The following ENTPD1 variants were observed in gnomAD, a reference collection of about 807,000 sequenced individuals.
ENTPD1 encodes the protein ectonucleoside triphosphate diphosphohydrolase 1.
Under a neutral mutation model 57.0 loss-of-function variants are expected in ENTPD1, and 33 were observed. That is an observed-to-expected ratio of 0.58 (90% CI 0.44 to 0.77). The LOEUF (loss-of-function observed/expected upper bound fraction) is 0.77, where lower values mean the gene tolerates loss of function less well. Among genes scored for constraint, ENTPD1 ranks in the 30% least tolerant of loss-of-function variants. The probability of loss-of-function intolerance (pLI) is 0.00; values close to 1 mark genes in which losing one functional copy is unlikely to be tolerated. For synonymous variants in ENTPD1, 202 were observed against 218.8 expected (o/e 0.92, Z 0.68); for missense variants, 501 against 603.4 (o/e 0.83, Z 1.78).
At chr10:95,740,464 T>C (rs1299470751) in intron 1 of ENTPD1, among the ~76,000 whole-genome samples, 1 of 152,204 alleles carries the variant, frequency 6.6e-6, no homozygotes, top group Admixed American at 6.5e-5. Flanking sequence ...ATTTTCAGAA[T>C]GGTCAATTAA....
chr10:95,790,146 G>A (rs746049310), intron 1 of ENTPD1, among the ~76,000 whole-genome samples: 1 of 152,164 alleles, frequency 6.6e-6, no homozygotes, highest in Admixed American at 6.6e-5. Context: ...TGTCTGCAGC[G>A]GTGGTTGCCC....
Position 95,869,844 on chromosome 10 carries a change from C to A in ENTPD1, c.*3461C>A, listed in dbSNP as rs1404973352. The stretch of plus-strand genomic sequence containing the variant: ...AAAAATTGTTAATATTTTTCTCATA[C>A]TAAATTTTCAAAATATTTTGTGTCT... On this transcript the variant is annotated 3_prime_UTR_variant, in exon 10 of 10. Coordinates refer to ENST00000371205, the MANE Select transcript of ENTPD1 (RefSeq NM_001776.6). 2 of 755,644 alleles carry A rather than the reference C, an allele frequency of 2.6e-6. No individual in the cohort carries two copies. Among genetic ancestry groups the A allele is most frequent in the Non-Finnish European group, 3.2e-6 (2 of 620,406 alleles). The allele number at this position is 755,644 out of a possible 1,614,324, so 46.8% of individuals were successfully genotyped here.
chr10:95,864,951 C>T, intron 9 of ENTPD1, 90 bp downstream of exon 9: 1 of 1,464,310 alleles, frequency 6.8e-7, no homozygotes, highest in Non-Finnish European at 9.3e-7. Flanking sequence ...GGGGAGTCAG[C>T]ATGGTGTAGC....
chr10:95,810,401 C>A (rs571970758), intron 1 of ENTPD1, among the ~76,000 whole-genome samples: 1 of 148,612 alleles, frequency 6.7e-6, no homozygotes, highest in Non-Finnish European at 1.5e-5. Flanking sequence ...TCCTCACTTC[C>A]TGGACAGGGC....
At chr10:95,760,991 G>C (rs547101624) in intron 1 of ENTPD1, among the ~76,000 whole-genome samples, 32 of 151,812 alleles carry the variant, frequency 2.1e-4, no homozygotes, top group African/African-American at 7.5e-4. Flanking sequence ...CACTACACCC[G>C]GCTAATTTTT....
At chr10:95,748,486 G>T (rs2098008453) in intron 1 of ENTPD1, among the ~76,000 whole-genome samples, 1 of 152,130 alleles carries the variant, frequency 6.6e-6, no homozygotes, top group African/African-American at 2.4e-5. Flanking sequence ...CAGTTATAAT[G>T]TCATCCCTAA....
intron 1 of ENTPD1, among the ~76,000 whole-genome samples, chr10:95,820,804 T>G (rs1003162500): frequency 6.6e-6 from 1 of 152,248 alleles, no homozygotes; most frequent in African/African-American, 2.4e-5. Context: ...TTTTCTGGTT[T>G]ATCTGTCTTG....
At chr10:95,722,777 ATGGTAATTAAGATTTAAATCCCC>A (rs1218277316) in intron 1 of ENTPD1, among the ~76,000 whole-genome samples, 1 of 152,154 alleles carries the variant, frequency 6.6e-6, no homozygotes, top group Non-Finnish European at 1.5e-5. Flanking sequence ...GGACCTTTGT[ATGGTAATTAAGATTTAAATCCCC>A]TGTTAGGAAA....
intron 1 of ENTPD1, among the ~76,000 whole-genome samples, chr10:95,794,948 C>T (rs747569823): frequency 1.3e-5 from 2 of 152,104 alleles, no homozygotes; most frequent in South Asian, 4.1e-4. Context: ...CCAGAACATA[C>T]AGGACATACG....
chr10:95,766,873 T>G (rs1004841523), intron 1 of ENTPD1, among the ~76,000 whole-genome samples: 4 of 151,936 alleles, frequency 2.6e-5, no homozygotes, highest in African/African-American at 9.7e-5. Flanking sequence ...TTAATTGTAC[T>G]TGTAGCAATC....
chr10:95,806,310 C>T lies in ENTPD1; in HGVS notation c.17-16927C>T, dbSNP rs545918196. Among the ~76,000 whole-genome samples, 47 of 152,302 alleles carry T rather than the reference C, an allele frequency of 3.1e-4. No individual in the cohort carries two copies. In the South Asian group the frequency reaches 5.2e-3, roughly 17 times the overall value. On this transcript the variant is annotated intron_variant, in intron 1 of 9. Transcript: ENST00000371205. Reference sequence around the variant, plus strand: ...GCTAATGAAGGTTGTGCATGTGTCACATAGTTCTTGTGCCATGGTTTTCAG... The same window carrying T: ...GCTAATGAAGGTTGTGCATGTGTCATATAGTTCTTGTGCCATGGTTTTCAG...
chr10:95,861,124 G>A (rs1475317233), intron 8 of ENTPD1, among the ~76,000 whole-genome samples: 1 of 152,174 alleles, frequency 6.6e-6, no homozygotes, highest in Non-Finnish European at 1.5e-5. Context: ...CCACTGCCTC[G>A]AGCTGGGCAC....
Position 95,868,443 on chromosome 10 carries a change from AC to A in ENTPD1, c.*2064del. 2 of 985,382 alleles carry A rather than the reference AC, an allele frequency of 2.0e-6. No individual in the cohort carries two copies. The highest frequency in any genetic ancestry group is 2.4e-6 in the Non-Finnish European group (2 of 829,924). The allele number at this position is 985,382 out of a possible 1,614,324, so 61.0% of individuals were successfully genotyped here. The stretch of plus-strand genomic sequence containing the variant: ...TATGATGCTAATCAGTGGTTCCCAT[AC>A]CCCTGGCTTCCTAATTTTAATGTTT... On this transcript the variant is annotated 3_prime_UTR_variant, in exon 10 of 10. Coordinates refer to ENST00000371205, the MANE Select transcript of ENTPD1 (RefSeq NM_001776.6).
intron 7 of ENTPD1, among the ~76,000 whole-genome samples, chr10:95,848,415 G>T (rs1375675538): frequency 5.9e-5 from 9 of 152,142 alleles, no homozygotes; most frequent in East Asian, 1.9e-4. Flanking sequence ...AATCGGGGGA[G>T]AGGTGACATG....
At chr10:95,704,856 A>G in the ENTPD1 span, among the ~76,000 whole-genome samples, 1 of 101,682 alleles carries the variant, frequency 9.8e-6, no homozygotes, top group East Asian at 2.0e-4. Context: ...TCAATGGTAA[A>G]ATATTATATA....
At chr10:95,755,137 A>G (rs569803080), upstream of ENTPD1, 3 of 152,278 alleles carry the variant, frequency 2.0e-5, no homozygotes, top group Non-Finnish European at 4.4e-5. Context: ...TCAAATATTT[A>G]TTGAGAGCCC....
intron 1 of ENTPD1, among the ~76,000 whole-genome samples, chr10:95,767,314 C>CAAAAAAAAAA (rs1160221654): frequency 5.9e-5 from 4 of 68,148 alleles, no homozygotes; most frequent in African/African-American, 1.1e-4. Flanking sequence ...GACTCCATCT[C>CAAAAAAAAAA]AAAAAAAAAA....
At chr10:95,750,966 C>T (rs11188468), upstream of ENTPD1, among the ~76,000 whole-genome samples, 24,186 of 151,764 alleles carry the variant, frequency 0.16, 2,473 homozygotes, top group African/African-American at 0.28. Flanking sequence ...GAGGTTGCAG[C>T]GAGCCAAGAT....
Position 95,869,296 on chromosome 10 carries a change from C to G in ENTPD1, c.*2913C>G, listed in dbSNP as rs2098477948. On this transcript the variant is annotated 3_prime_UTR_variant, in exon 10 of 10. Transcript: ENST00000371205. ...AGAGAGTCTCACTCCATTGCCCAGGCTGGAGTGCAGTGGTGCTATCTCGGC... is the reference window on the plus strand; with the variant it reads ...AGAGAGTCTCACTCCATTGCCCAGGGTGGAGTGCAGTGGTGCTATCTCGGC... 2 of 930,850 alleles carry G rather than the reference C, an allele frequency of 2.1e-6. No homozygotes were observed. Among genetic ancestry groups the G allele is most frequent in the African/African-American group, 4.3e-5 (2 of 46,862 alleles). 57.7% of individuals were successfully genotyped at this position (930,850 alleles called of 1,614,324 possible).
Sources: allele counts gnomAD v4.1 joint callset (sites outside exome capture counted in the v4.1 genomes callset), GRCh38; gene constraint gnomAD v4.1.1; transcripts MANE v1.5; gene names NCBI Gene and HGNC (gene_info 2026-07-23, HGNC 2026-07-21).